The following PITPNM2 variants were observed in gnomAD, a reference collection of about 807,000 sequenced individuals.
PITPNM2 encodes the protein membrane-associated phosphatidylinositol transfer protein 2.
PITPNM2 carries 35 observed loss-of-function variants against 132.2 expected under a neutral mutation model. The ratio of observed to expected loss-of-function variants is 0.26; its 90% CI spans 0.20 to 0.35. PITPNM2 has a LOEUF of 0.35. Among genes scored for constraint, PITPNM2 ranks in the 10% least tolerant of loss-of-function variants. PITPNM2 has a pLI of 1.00. For synonymous variants in PITPNM2, 738 were observed against 799.2 expected (o/e 0.92, Z 1.29); for missense variants, 1,332 against 1,912.0 (o/e 0.70, Z 5.66).
intron 1 of PITPNM2, among the ~76,000 whole-genome samples, chr12:123,138,868 T>C (rs965351815): frequency 6.6e-6 from 1 of 152,210 alleles, no homozygotes; most frequent in Admixed American, 6.5e-5. Context: ...CTGGGCACAG[T>C]GATTCACACC....
At position 123,000,286 on chromosome 12, in the gene PITPNM2, C is replaced by T. The variant is rs1484813607; in HGVS notation, c.1224+492G>A. 4.7e-5 allele frequency: 30 copies of T among 633,238 alleles called. No individual in the cohort carries two copies. In the East Asian group the frequency reaches 5.2e-4, roughly 11 times the overall value. 39.2% of individuals were successfully genotyped at this position (633,238 alleles called of 1,614,324 possible). On this transcript the variant is annotated intron_variant, in intron 10 of 25. Transcript: ENST00000320201. The surrounding 1 kb of genome is among the most constrained non-coding windows in gnomAD (Gnocchi z 5.4). ...GGCATGAACTCCCACAGAGAACCCCCGAAGCGGATACAGGCGCTCTACCAA... is the reference window on the plus strand; with the variant it reads ...GGCATGAACTCCCACAGAGAACCCCTGAAGCGGATACAGGCGCTCTACCAA...
At chr12:123,080,297 C>A (rs1220787563) in intron 2 of PITPNM2, among the ~76,000 whole-genome samples, 1 of 152,176 alleles carries the variant, frequency 6.6e-6, no homozygotes, top group Non-Finnish European at 1.5e-5. Flanking sequence ...TAGCTTACTG[C>A]AGCCTCGACC....
intron 18 of PITPNM2, 148 bp from the exon 19 acceptor site, chr12:122,989,020 T>A: frequency 2.1e-6 from 2 of 964,490 alleles, no homozygotes; most frequent in Non-Finnish European, 2.9e-6. Flanking sequence ...GCTGGGTGAG[T>A]GAGGCAAGCG....
intron 1 of PITPNM2, among the ~76,000 whole-genome samples, chr12:123,127,889 A>G (rs78753733): frequency 0.044 from 6,743 of 152,030 alleles, 228 homozygotes; most frequent in East Asian, 0.21. Flanking sequence ...GATTACAGGC[A>G]TGAGCCACCG....
At position 123,150,981 on chromosome 12, in the gene PITPNM2, G is replaced by A. The variant is rs927433334; in HGVS notation, c.-428C>T. Among the ~76,000 whole-genome samples the A allele has an allele frequency of 6.9e-6, 1 of 144,460 alleles. No individual in the cohort carries two copies. Among genetic ancestry groups the A allele is most frequent in the Non-Finnish European group, 1.5e-5 (1 of 65,212 alleles). The allele number at this position is 144,460 out of a possible 152,430, so 94.8% of individuals were successfully genotyped here. On this transcript the variant is annotated 5_prime_UTR_variant, in exon 1 of 26. Coordinates refer to ENST00000320201, the MANE Select transcript of PITPNM2 (RefSeq NM_020845.3). This position sits in a 1 kb window ranked among gnomAD's most constrained non-coding sequence, Gnocchi z 6.0. ...GCGCACGTGCTGGCGGGCGGCTCTC[G>A]CTGAGGCGGCCGCGAGCTGAGAAGG...
chr12:123,063,333 G>A (rs1219961189), intron 2 of PITPNM2, among the ~76,000 whole-genome samples: 1 of 152,200 alleles, frequency 6.6e-6, no homozygotes, highest in Non-Finnish European at 1.5e-5. Flanking sequence ...TTGGGCAGGT[G>A]GCCTGCGCCC....
chr12:123,144,976 T>C (rs371835716), intron 1 of PITPNM2, among the ~76,000 whole-genome samples: 2 of 152,160 alleles, frequency 1.3e-5, no homozygotes, highest in African/African-American at 4.8e-5. Context: ...GGAGCAGTGG[T>C]TCAGTGTTCA....
Position 123,032,477 on chromosome 12 carries a change from A to AAAACAAACAAAC in PITPNM2, c.78+2024_78+2035dup, listed in dbSNP as rs112632714. Among the ~76,000 whole-genome samples the AAAACAAACAAAC allele has an allele frequency of 2.1e-4, 32 of 150,700 alleles. 1 individual carries two copies. The South Asian group carries it at 2.8e-3, about 13-fold the overall frequency. Reference sequence around the variant, plus strand: ...GGCGACAGAGCAAGACTCCATCTCAAAAACAAACAAACAAACAAACAAACA... The same window carrying AAAACAAACAAAC: ...GGCGACAGAGCAAGACTCCATCTCAAAAACAAACAAACAAACAAACAAACAAACAAACAAACA... On this transcript the variant is annotated intron_variant, in intron 3 of 25. Transcript: ENST00000320201.
At chr12:123,063,253 G>A (rs2136798179) in intron 2 of PITPNM2, among the ~76,000 whole-genome samples, 1 of 152,380 alleles carries the variant, frequency 6.6e-6, no homozygotes, top group South Asian at 2.1e-4. Flanking sequence ...GAAGGGGCAG[G>A]TATGCCAGGC....
At chr12:123,129,073 T>A (rs1298562047) in intron 1 of PITPNM2, among the ~76,000 whole-genome samples, 1 of 151,902 alleles carries the variant, frequency 6.6e-6, no homozygotes, top group East Asian at 1.9e-4. Flanking sequence ...AGGCAGAGAT[T>A]GCAGTGAACC....
intron 3 of PITPNM2, among the ~76,000 whole-genome samples, chr12:123,028,804 G>A (rs1036384039): frequency 1.3e-5 from 2 of 152,186 alleles, no homozygotes; most frequent in African/African-American, 4.8e-5. Context: ...AGGTGGGGCT[G>A]GGAAGAATGA....
At chr12:123,049,231 AC>A (rs1306990017) in intron 2 of PITPNM2, among the ~76,000 whole-genome samples, 5 of 152,072 alleles carry the variant, frequency 3.3e-5, no homozygotes, top group African/African-American at 1.2e-4. Context: ...GGGTTCCATA[AC>A]CAGAGGGACC....
chr12:122,995,095 G>T, intron 14 of PITPNM2, 116 bp from the exon 15 acceptor site: 3 of 1,199,244 alleles, frequency 2.5e-6, no homozygotes, highest in Non-Finnish European at 3.4e-6. Flanking sequence ...CTTCAGGACA[G>T]CCCTGAGCTG....
In PITPNM2 at chr12:122,985,943, T is replaced by C. The variant is rs1346005903; in HGVS notation, c.*84A>G. 8 of 1,226,532 alleles carry C rather than the reference T, an allele frequency of 6.5e-6. No homozygotes were observed. In the East Asian group the frequency reaches 9.6e-5, roughly 15 times the overall value. 76.0% of individuals were successfully genotyped at this position (1,226,532 alleles called of 1,614,324 possible). A position where few individuals can be genotyped will look rare whatever the true frequency, so the allele number is the denominator to read the frequency against. ...GGACAATCTCCCAGGCCCACGTCAG[T>C]GCGTGTGCCCAGGCCAGGCCTCCTG... On this transcript the variant is annotated 3_prime_UTR_variant, in exon 26 of 26. Transcript: ENST00000320201.
chr12:123,039,275 A>T (rs904731305), intron 2 of PITPNM2, among the ~76,000 whole-genome samples: 1 of 152,284 alleles, frequency 6.6e-6, no homozygotes, highest in South Asian at 2.1e-4. Flanking sequence ...AAATAAATAC[A>T]TAAAATTCAA....
At chr12:123,126,688 C>T (rs1011123350) in intron 1 of PITPNM2, among the ~76,000 whole-genome samples, 5 of 152,092 alleles carry the variant, frequency 3.3e-5, no homozygotes, top group Non-Finnish European at 5.9e-5. Context: ...CCGTGGCCTC[C>T]GAGAACAGCC....
rs199601263 is a variant in PITPNM2 at position 122,995,485 on chromosome 12, C to T, written c.1958G>A (p.Gly653Asp). 2 of 1,613,858 alleles carry T rather than the reference C, an allele frequency of 1.2e-6. No homozygotes were observed. Among genetic ancestry groups the T allele is most frequent in the Admixed American group, 3.3e-5 (2 of 60,012 alleles). ...CAGTTGCCTTTTGGGGTCCTCAGTG[C>T]CGTTGCTGCGGGGGATGTCGACGTT... ...RSNVDIPRSN[G>D]TEDPKRQLPR... is the part of the protein sequence containing the mutation. The change falls in exon 14 of 26, where the codon GGC (glycine) becomes GAC (aspartate). Residue 653 changes from glycine (G) to aspartate (D), a missense_variant. Physicochemically the swap from Gly to Asp is moderately conservative, Grantham distance 94 (BLOSUM62 -1). Transcript: ENST00000320201.
At position 123,121,095 on chromosome 12, in the gene PITPNM2, C is replaced by T. The variant is rs377266651; in HGVS notation, c.-199-10607G>A. Among the ~76,000 whole-genome samples the T allele has an allele frequency of 5.3e-4, 81 of 152,382 alleles. 2 individuals carry two copies. The South Asian group carries it at 0.016, about 29-fold the overall frequency. On this transcript the variant is annotated intron_variant, in intron 1 of 25. Transcript: ENST00000320201. ...TCTGGGGAGCTGACTCTGGCTCCAGCCCTCAGAGGCCTCTCTGCTGACTCC... is the reference window on the plus strand; with the variant it reads ...TCTGGGGAGCTGACTCTGGCTCCAGTCCTCAGAGGCCTCTCTGCTGACTCC...
intron 2 of PITPNM2, among the ~76,000 whole-genome samples, chr12:123,066,284 G>C (rs917824653): frequency 1.3e-5 from 2 of 152,136 alleles, no homozygotes; most frequent in Admixed American, 1.3e-4. Flanking sequence ...GGCCTGACGA[G>C]GGGTAGAGAA....
Sources: allele counts gnomAD v4.1 joint callset (sites outside exome capture counted in the v4.1 genomes callset), GRCh38; gene constraint gnomAD v4.1.1; non-coding constraint Gnocchi (gnomAD v3.1); transcripts MANE v1.5; gene names NCBI Gene and HGNC (gene_info 2026-07-23, HGNC 2026-07-21).